Variants in FAM227B observed in about 807,000 individuals in gnomAD.
FAM227B encodes family with sequence similarity 227 member B.
Under a neutral mutation model 73.8 loss-of-function variants are expected in FAM227B, and 88 were observed. The ratio of observed to expected loss-of-function variants is 1.19; its 90% CI spans 1.00 to 1.42. The LOEUF (loss-of-function observed/expected upper bound fraction) is 1.42, where lower values mean the gene tolerates loss of function less well. Ranked by LOEUF, FAM227B falls within the 40% of genes most tolerant of loss-of-function variation. The pLI is 0.00. For synonymous variants in FAM227B, 210 were observed against 190.5 expected, an observed-to-expected ratio of 1.10 and a Z score of -0.84; for missense variants, 632 against 590.9, an observed-to-expected ratio of 1.07 and a Z score of -0.72.
chr15:49,542,464 T>TATC (rs2071210218), intron 9 of FAM227B, among the ~76,000 whole-genome samples: 1 of 152,058 alleles, frequency 6.6e-6, no homozygotes, highest in South Asian at 2.1e-4. Context: ...TGTAGGCTTT[T>TATC]ATCCCTCATC....
intron 11 of FAM227B, among the ~76,000 whole-genome samples, chr15:49,482,982 T>G (rs999531254): frequency 6.6e-6 from 1 of 152,088 alleles, no homozygotes; most frequent in Non-Finnish European, 1.5e-5. Context: ...ATGACTATCT[T>G]GGTGTTTGTG....
At chr15:49,543,726 A>G (rs2152279105) in intron 9 of FAM227B, among the ~76,000 whole-genome samples, 1 of 152,238 alleles carries the variant, frequency 6.6e-6, no homozygotes, top group Non-Finnish European at 1.5e-5. Context: ...TGGTTTGCCA[A>G]TTATCCCAGA....
chr15:49,498,228 A>C (rs1411560772), intron 11 of FAM227B, among the ~76,000 whole-genome samples: 2 of 152,192 alleles, frequency 1.3e-5, no homozygotes, highest in Admixed American at 1.3e-4. Flanking sequence ...TGTGGCCAAA[A>C]TTTCTTGAAT....
chr15:49,495,866 T>C (rs1044302994), intron 11 of FAM227B, among the ~76,000 whole-genome samples: 1 of 151,816 alleles, frequency 6.6e-6, no homozygotes, highest in African/African-American at 2.4e-5. Context: ...CTACTAAAAA[T>C]ACAAAAATTA....
intron 3 of FAM227B, among the ~76,000 whole-genome samples, chr15:49,608,254 G>C (rs966071897): frequency 3.3e-5 from 5 of 152,128 alleles, no homozygotes; most frequent in Admixed American, 1.3e-4. Flanking sequence ...GTTTAAAACA[G>C]GGTCAGTGAA....
chr15:49,546,623 G>A (rs2152289548), intron 9 of FAM227B, among the ~76,000 whole-genome samples: 2 of 152,294 alleles, frequency 1.3e-5, no homozygotes, highest in African/African-American at 4.8e-5. Context: ...AGCACCTGTT[G>A]TTTCCTAACT....
chr15:49,601,531 TA>T (rs1465961769), intron 3 of FAM227B, among the ~76,000 whole-genome samples: 12 of 152,160 alleles, frequency 7.9e-5, no homozygotes, highest in African/African-American at 2.9e-4. Flanking sequence ...TAGGTATATA[TA>T]TTTATGGGGT....
At chr15:49,577,522 G>A in intron 6 of FAM227B, 107 bp downstream of exon 6, 1 of 626,872 alleles carries the variant, frequency 1.6e-6, no homozygotes. Context: ...TCTCTCCTCT[G>A]GTACCTCTCT....
intron 10 of FAM227B, among the ~76,000 whole-genome samples, chr15:49,540,393 T>A (rs2070892513): frequency 6.6e-6 from 1 of 152,186 alleles, no homozygotes; most frequent in South Asian, 2.1e-4. Context: ...AGAAATCCTT[T>A]CTGTGCAATT....
chr15:49,422,836 A>T, intron 11 of FAM227B: 1 of 756,296 alleles, frequency 1.3e-6, no homozygotes, highest in Non-Finnish European at 2.1e-6. Context: ...TAGTTAACAC[A>T]TACCAGTTTT....
rs111742896 is a variant in FAM227B, at chr15:49,556,568, G to T, written c.747+11677C>A. ...TGATGGCCAGGCACTGTTTGCCACTGCAAGAGCTTTAATGTAGGCCCCCGG... is the reference window on the plus strand; with the variant it reads ...TGATGGCCAGGCACTGTTTGCCACTTCAAGAGCTTTAATGTAGGCCCCCGG... On this transcript the variant is annotated intron_variant, in intron 9 of 15. Coordinates refer to ENST00000299338, the MANE Select transcript of FAM227B (RefSeq NM_152647.3). Among the ~76,000 whole-genome samples, 4 of 152,312 alleles carry T rather than the reference G, an allele frequency of 2.6e-5. No individual in the cohort carries two copies. In the South Asian group the frequency reaches 8.3e-4, roughly 32 times the overall value.
chr15:49,489,845 A>ATATATATAT (rs2056838804), intron 11 of FAM227B, among the ~76,000 whole-genome samples: 1 of 17,922 alleles, frequency 5.6e-5, no homozygotes, highest in Non-Finnish European at 1.2e-4. Context: ...TATATTTTAT[A>ATATATATAT]TATATATATA....
intron 3 of FAM227B, among the ~76,000 whole-genome samples, chr15:49,591,264 C>T (rs1179023454): frequency 1.3e-5 from 2 of 150,200 alleles, no homozygotes; most frequent in East Asian, 2.0e-4. Context: ...TTAGTAGAGA[C>T]GGGGTTTGTG....
chr15:49,420,475 A>ATG (rs2049530158), intron 11 of FAM227B, among the ~76,000 whole-genome samples: 1 of 152,184 alleles, frequency 6.6e-6, no homozygotes, highest in Admixed American at 6.5e-5. Flanking sequence ...AATAATATGT[A>ATG]TGTGTATATA....
At chr15:49,598,427 C>T (rs2153298618) in intron 3 of FAM227B, among the ~76,000 whole-genome samples, 1 of 151,940 alleles carries the variant, frequency 6.6e-6, no homozygotes, top group East Asian at 1.9e-4. Context: ...TCTTCCTTTC[C>T]TATTTGGATG....
At chr15:49,415,271 G>GT (rs2049135723) in intron 11 of FAM227B, among the ~76,000 whole-genome samples, 1 of 152,148 alleles carries the variant, frequency 6.6e-6, no homozygotes, top group East Asian at 1.9e-4. Context: ...AGCTAACAAT[G>GT]TAATAACCTC....
At chr15:49,343,005 T>A (rs1394445608) in intron 13 of FAM227B, among the ~76,000 whole-genome samples, 1 of 152,306 alleles carries the variant, frequency 6.6e-6, no homozygotes, top group East Asian at 1.9e-4. Flanking sequence ...TTGGTGATGT[T>A]CATTTTGTAT....
rs776057741 is a variant in FAM227B, at chr15:49,387,512, T to C, written c.1013-16113A>G. Among the ~76,000 whole-genome samples, 19 of 151,842 alleles carry C rather than the reference T, an allele frequency of 1.3e-4. No individual in the cohort carries two copies. In the South Asian group the frequency reaches 1.5e-3, roughly 12 times the overall value. On this transcript the variant is annotated intron_variant, in intron 11 of 15. Transcript: ENST00000299338. ...ATAAAATCCATATATGACAAACCCA[T>C]AGCCAACATCTTACTGAATGGGGAA...
At chr15:49,365,781 A>C in intron 13 of FAM227B, 1 of 853,756 alleles carries the variant, frequency 1.2e-6, no homozygotes, top group Non-Finnish European at 2.0e-6. Context: ...CAGCCCAAAC[A>C]ATAGCTATTG....
Sources: allele counts gnomAD v4.1 joint callset (sites outside exome capture counted in the v4.1 genomes callset), GRCh38; gene constraint gnomAD v4.1.1; transcripts MANE v1.5; gene names NCBI Gene and HGNC (gene_info 2026-07-23, HGNC 2026-07-21).